ARHGAP23: variants seen among roughly 807,000 people sequenced by gnomAD.
The protein encoded by ARHGAP23 is rho GTPase-activating protein 23.
Under a neutral mutation model 136.3 loss-of-function variants are expected in ARHGAP23, and 34 were observed. That is an observed-to-expected ratio of 0.25 (90% CI 0.19 to 0.33). The LOEUF is 0.33. ARHGAP23 is among the 10% of genes least tolerant of loss of function. The pLI is 1.00. For missense variants in ARHGAP23, 1,808 were observed against 2,139.0 expected, an observed-to-expected ratio of 0.85 and a Z score of 3.05; for synonymous variants, 832 against 920.5, an observed-to-expected ratio of 0.90 and a Z score of 1.74.
chr17:38,464,105 G>A (rs2039525293), intron 6 of ARHGAP23, among the ~76,000 whole-genome samples: 2 of 152,108 alleles, frequency 1.3e-5, no homozygotes, highest in South Asian at 4.2e-4. Context: ...ATCACAACAT[G>A]TATGCTCGCA....
At chr17:38,450,303 G>A (rs904584794) in intron 1 of ARHGAP23, 1 of 152,266 alleles carries the variant, frequency 6.6e-6, no homozygotes, top group African/African-American at 2.4e-5. Context: ...TAATGGAAAA[G>A]GATCTGGTAA....
chr17:38,460,834 A>T, intron 2 of ARHGAP23, 71 bp from the exon 3 acceptor site: 1 of 1,535,870 alleles, frequency 6.5e-7, no homozygotes, highest in East Asian at 2.4e-5. Flanking sequence ...GGCCCTGCCC[A>T]CTGGAGCTGG....
intron 20 of ARHGAP23, among the ~76,000 whole-genome samples, chr17:38,496,952 GAAAA>G (rs56999011): frequency 6.9e-6 from 1 of 145,540 alleles, no homozygotes; most frequent in Non-Finnish European, 1.5e-5. Context: ...GATTCTGTTG[GAAAA>G]AAAAAAAAAA....
rs138994352 is a variant in ARHGAP23, at chr17:38,463,213, C to T, written c.428+17C>T. 251 of 1,551,104 alleles carry T rather than the reference C, an allele frequency of 1.6e-4. No individual in the cohort carries two copies. In the African/African-American group the frequency reaches 3.1e-3, roughly 19 times the overall value. ...CCAGAATAGGTGAGTGTCCCTGACCCCTCGTCCCATATTATCTCCCCTCCC... is the reference window on the plus strand; with the variant it reads ...CCAGAATAGGTGAGTGTCCCTGACCTCTCGTCCCATATTATCTCCCCTCCC... On this transcript the variant is annotated intron_variant, in intron 5 of 23. Transcript: ENST00000622683.
At chr17:38,473,103 A>ATTTTT (rs59594005) in intron 11 of ARHGAP23, among the ~76,000 whole-genome samples, 13 of 129,964 alleles carry the variant, frequency 1.0e-4, no homozygotes, top group Non-Finnish European at 1.1e-4. Context: ...AACCCGGCTA[A>ATTTTT]TTTTTTTTTT....
chr17:38,494,276 G>A (rs759262634), intron 20 of ARHGAP23, among the ~76,000 whole-genome samples: 2 of 152,192 alleles, frequency 1.3e-5, no homozygotes, highest in Non-Finnish European at 2.9e-5. Flanking sequence ...ACCTCACATC[G>A]TTGTGAATGT....
At chr17:38,420,198 C>T (rs768912289) in intron 1 of ARHGAP23, among the ~76,000 whole-genome samples, 2 of 152,208 alleles carry the variant, frequency 1.3e-5, no homozygotes, top group Non-Finnish European at 2.9e-5. Context: ...CAGTCCCCTT[C>T]AGTGAGCAAG....
intron 1 of ARHGAP23, among the ~76,000 whole-genome samples, chr17:38,421,603 A>AT (rs2038521475): frequency 6.6e-6 from 1 of 152,150 alleles, no homozygotes; most frequent in Non-Finnish European, 1.5e-5. Context: ...GTATGTGTGG[A>AT]TTTTGGCATG....
intron 23 of ARHGAP23, among the ~76,000 whole-genome samples, chr17:38,506,603 G>T (rs2040638932): frequency 6.6e-6 from 1 of 152,148 alleles, no homozygotes; most frequent in South Asian, 2.1e-4. Context: ...ATGGTAGATG[G>T]CCACCTTCTC....
At chr17:38,443,648 G>A (rs1310077778) in intron 1 of ARHGAP23, among the ~76,000 whole-genome samples, 2 of 151,788 alleles carry the variant, frequency 1.3e-5, no homozygotes, top group African/African-American at 4.8e-5. Context: ...CATGTGTGAA[G>A]GGGAAGGCAG....
At chr17:38,428,936 TC>T (rs2038623581) in intron 1 of ARHGAP23, among the ~76,000 whole-genome samples, 2 of 149,080 alleles carry the variant, frequency 1.3e-5, no homozygotes, top group Non-Finnish European at 3.0e-5. Flanking sequence ...GTTTTCGTTT[TC>T]CGTTGGCGAG....
At chr17:38,468,891 G>A (rs981355947) in intron 7 of ARHGAP23, among the ~76,000 whole-genome samples, 3 of 152,158 alleles carry the variant, frequency 2.0e-5, no homozygotes, top group African/African-American at 4.8e-5. Flanking sequence ...AGTCTGATGG[G>A]GGAATATTGG....
In ARHGAP23 at chr17:38,469,164, A is replaced by G. The variant is rs1391423399; in HGVS notation, c.1669A>G (p.Ile557Val). Residue 557 changes from isoleucine to valine, a missense_variant, in exon 8 of 24, where the codon ATT (isoleucine) becomes GTT (valine). By Grantham distance (29) the Ile-to-Val change is conservative. Coordinates refer to ENST00000622683, the MANE Select transcript of ARHGAP23 (RefSeq NM_001199417.2). ...CATAGATGAGCCCACCAGCCCCAGCATTGACCTCCAAGCCAAGCACGTCCC... is the reference window on the plus strand; with the variant it reads ...CATAGATGAGCCCACCAGCCCCAGCGTTGACCTCCAAGCCAAGCACGTCCC... ...PFIDEPTSPS[I>V]DLQAKHVPAS... 1.3e-6 allele frequency: 2 copies of G among 1,551,128 alleles called. No homozygotes were observed. The highest frequency in any genetic ancestry group is 1.7e-6 in the Non-Finnish European group (2 of 1,146,588).
chr17:38,495,312 G>T (rs1411538713), intron 20 of ARHGAP23, among the ~76,000 whole-genome samples: 2 of 149,750 alleles, frequency 1.3e-5, no homozygotes, highest in Admixed American at 1.3e-4. Context: ...ACTCACTGCA[G>T]CCTCCAGCTC....
At position 38,467,280 on chromosome 17, in the gene ARHGAP23, G is replaced by A. The variant is rs748642182; in HGVS notation, c.1597G>A (p.Val533Met). The change falls in exon 7 of 24, where the codon GTG (valine) becomes ATG (methionine). Residue 533 changes from valine to methionine, a missense_variant. Around this residue, in one of 7 missense-constraint regions of ARHGAP23, gnomAD observed 859 missense variants for 936.4 expected, o/e 0.92. Coordinates refer to ENST00000622683, the MANE Select transcript of ARHGAP23 (RefSeq NM_001199417.2). Reference protein sequence around the residue: ...SGRGERLGRKVAPLATTEDSL... With the variant: ...SGRGERLGRKMAPLATTEDSL... ...GCGAGGGGAACGCCTGGGCAGGAAG[G>A]TGGCCCCTTTGGCCACCACCGAAGA... 6 of 1,536,240 alleles carry A rather than the reference G, an allele frequency of 3.9e-6. No individual in the cohort carries two copies. The Admixed American group carries it at 6.3e-5, about 16-fold the overall frequency.
At chr17:38,491,375 G>A in intron 19 of ARHGAP23, 32 bp from the exon 20 acceptor site, 1 of 1,549,632 alleles carries the variant, frequency 6.5e-7, no homozygotes, top group Non-Finnish European at 8.7e-7. Context: ...AGGTCAGGAT[G>A]TTGACAGTGA....
At chr17:38,470,565 C>T (rs1254077994) in intron 10 of ARHGAP23, among the ~76,000 whole-genome samples, 4 of 152,214 alleles carry the variant, frequency 2.6e-5, no homozygotes, top group Non-Finnish European at 1.5e-5. Flanking sequence ...GAGACAGAGT[C>T]TCACTCCATT....
intron 6 of ARHGAP23, among the ~76,000 whole-genome samples, chr17:38,465,146 G>A (rs936116169): frequency 2.0e-5 from 3 of 152,146 alleles, no homozygotes; most frequent in Admixed American, 6.5e-5. Context: ...TGATGATGCC[G>A]GGAGCCTGGG....
chr17:38,495,728 C>T (rs2040377767), intron 20 of ARHGAP23, among the ~76,000 whole-genome samples: 3 of 152,162 alleles, frequency 2.0e-5, no homozygotes, highest in Admixed American at 6.5e-5. Context: ...TCTTAATAGG[C>T]TAATATGTGT....
Sources: allele counts gnomAD v4.1 joint callset (sites outside exome capture counted in the v4.1 genomes callset), GRCh38; gene constraint gnomAD v4.1.1; regional missense constraint gnomAD v4.1.1; transcripts MANE v1.5; gene names NCBI Gene and HGNC (gene_info 2026-07-23, HGNC 2026-07-21).